Variants in SLC35H1 observed in about 807,000 individuals in gnomAD.
SLC35H1 encodes the protein solute carrier family 35 member H1.
chr20:46,358,336 G>A, the SLC35H1 span: 10 of 1,526,908 alleles, frequency 6.5e-6, no homozygotes, highest in African/African-American at 5.5e-5. Context: ...CGTAGCCATG[G>A]CTCTGGCCAC....
chr20:46,350,687 C>T, the SLC35H1 span: 6 of 1,495,572 alleles, frequency 4.0e-6, no homozygotes, highest in South Asian at 7.2e-5. Context: ...GGGCACACTT[C>T]CTGCATCAGA....
chr20:46,360,476 A>G, the SLC35H1 span, among the ~76,000 whole-genome samples: 2 of 152,194 alleles, frequency 1.3e-5, no homozygotes, highest in African/African-American at 4.8e-5. Flanking sequence ...AAACTTACAT[A>G]TTGAAACATA....
the SLC35H1 span, chr20:46,355,976 A>G: frequency 6.5e-7 from 1 of 1,542,716 alleles, no homozygotes. This position sits in a 1 kb window ranked among gnomAD's most constrained non-coding sequence, Gnocchi z 4.8. Flanking sequence ...ATGACCAAAC[A>G]GAGCTGGGCT....
chr20:46,353,994 G>C, the SLC35H1 span, among the ~76,000 whole-genome samples: 1 of 152,096 alleles, frequency 6.6e-6, no homozygotes, highest in Non-Finnish European at 1.5e-5. Context: ...ATGACCCTGA[G>C]GGCATTACAG....
chr20:46,348,456 C>T, the SLC35H1 span: 1 of 152,220 alleles, frequency 6.6e-6, no homozygotes, highest in Non-Finnish European at 1.5e-5. Context: ...CCCTGGCCCC[C>T]CTCCTTGGCT....
the SLC35H1 span, among the ~76,000 whole-genome samples, chr20:46,362,477 T>C: frequency 2.6e-5 from 4 of 152,132 alleles, no homozygotes; most frequent in East Asian, 5.8e-4. Context: ...GCTTTGGAGT[T>C]AGACACTGAG....
the SLC35H1 span, chr20:46,355,701 G>A: frequency 6.4e-7 from 1 of 1,560,668 alleles, no homozygotes. This position sits in a 1 kb window ranked among gnomAD's most constrained non-coding sequence, Gnocchi z 4.8. Context: ...GACTGGGCTT[G>A]TCTCCTCTGT....
chr20:46,357,296 C>T, the SLC35H1 span, among the ~76,000 whole-genome samples: 3 of 152,244 alleles, frequency 2.0e-5, no homozygotes, highest in Non-Finnish European at 4.4e-5. Flanking sequence ...CACAGCCCTG[C>T]GAGGGCAGGG....
chr20:46,350,640 CA>C, the SLC35H1 span: 1 of 1,510,590 alleles, frequency 6.6e-7, no homozygotes, highest in Non-Finnish European at 8.9e-7. Flanking sequence ...AGATGACCCC[CA>C]CATCTTCCTA....
the SLC35H1 span, chr20:46,352,046 T>C: frequency 6.2e-7 from 1 of 1,613,972 alleles, no homozygotes; most frequent in Non-Finnish European, 8.5e-7. Context: ...CGCCCGAGTC[T>C]GTACCTTAAA....
the SLC35H1 span, chr20:46,352,411 G>A: frequency 3.3e-6 from 2 of 598,402 alleles, no homozygotes; most frequent in East Asian, 2.9e-5. Context: ...TGAGACCTGG[G>A]GAAACCAGGG....
chr20:46,358,923 C>T, the SLC35H1 span: 1 of 631,190 alleles, frequency 1.6e-6, no homozygotes, highest in African/African-American at 1.8e-5. Flanking sequence ...GTCTTGTCAC[C>T]TCAAGCTATT....
chr20:46,349,250 CAGG>C, the SLC35H1 span: 7 of 152,374 alleles, frequency 4.6e-5, no homozygotes, highest in East Asian at 3.9e-4. Context: ...AACCAGTTTA[CAGG>C]AGTAGACTCA....
the SLC35H1 span, among the ~76,000 whole-genome samples, chr20:46,360,248 T>C: frequency 6.6e-6 from 1 of 152,194 alleles, no homozygotes. Flanking sequence ...GACGCCTATG[T>C]ACAATGAAGG....
chr20:46,362,760 C>T, the SLC35H1 span, among the ~76,000 whole-genome samples: 4 of 152,184 alleles, frequency 2.6e-5, no homozygotes, highest in Non-Finnish European at 5.9e-5. Flanking sequence ...CCTTCGAAGG[C>T]TTAGTCTCTA....
the SLC35H1 span, chr20:46,352,445 C>T: frequency 1.8e-6 from 1 of 556,826 alleles, no homozygotes; most frequent in Non-Finnish European, 3.2e-6. Context: ...TGCCAGAGCG[C>T]CTGGGGGCAA....
chr20:46,355,930 C>A, the SLC35H1 span: 2 of 1,607,326 alleles, frequency 1.2e-6, no homozygotes, highest in East Asian at 4.5e-5. This position sits in a 1 kb window ranked among gnomAD's most constrained non-coding sequence, Gnocchi z 4.8. Flanking sequence ...AGACCCATCA[C>A]CGAGAAAGGA....
At chr20:46,348,834 T>A in the SLC35H1 span, 2 of 152,272 alleles carry the variant, frequency 1.3e-5, no homozygotes, top group African/African-American at 2.4e-5. Context: ...AGCCACACCC[T>A]GGGTCTGTGT....
chr20:46,354,856 C>G, the SLC35H1 span: 1 of 1,562,306 alleles, frequency 6.4e-7, no homozygotes, highest in South Asian at 1.2e-5. Context: ...CACTGAGGTG[C>G]CCTTGAGAGG....
Sources: allele counts gnomAD v4.1 joint callset (sites outside exome capture counted in the v4.1 genomes callset), GRCh38; gene constraint gnomAD v4.1.1; non-coding constraint Gnocchi (gnomAD v3.1); transcripts MANE v1.5; gene names NCBI Gene and HGNC (gene_info 2026-07-23, HGNC 2026-07-21).